MAPKAPK5: variants seen among roughly 807,000 people sequenced by gnomAD.
MAPKAPK5 encodes MAP kinase-activated protein kinase 5.
MAPKAPK5 carries 30 observed loss-of-function variants against 65.1 expected under a neutral mutation model. The observed-to-expected ratio is 0.46, with a 90% CI of 0.34 to 0.63. MAPKAPK5 has a LOEUF of 0.63. MAPKAPK5 is among the 20% of genes least tolerant of loss of function. The pLI is 0.01. For synonymous variants in MAPKAPK5, 179 were observed against 204.6 expected (o/e 0.87, Z 1.07); for missense variants, 433 against 581.4 (o/e 0.74, Z 2.63).
chr12:111,864,796 A>G (rs1429193898), intron 1 of MAPKAPK5, among the ~76,000 whole-genome samples: 1 of 152,196 alleles, frequency 6.6e-6, no homozygotes, highest in African/African-American at 2.4e-5. Flanking sequence ...CAGTTTATTC[A>G]GTTATTCCAA....
intron 1 of MAPKAPK5, among the ~76,000 whole-genome samples, chr12:111,849,255 CTT>C (rs112897636): frequency 7.2e-6 from 1 of 139,164 alleles, no homozygotes. Flanking sequence ...TTTTTTCTTT[CTT>C]TTTTTTTTTT....
At position 111,869,286 on chromosome 12, in the gene MAPKAPK5, C is replaced by A. The variant is rs530710651; in HGVS notation, c.393+425C>A. Among the ~76,000 whole-genome samples, 3 of 152,298 alleles carry A rather than the reference C, an allele frequency of 2.0e-5. No individual in the cohort carries two copies. In the East Asian group the frequency reaches 5.8e-4, roughly 29 times the overall value. On this transcript the variant is annotated intron_variant, in intron 5 of 13. Coordinates refer to ENST00000550735, the MANE Select transcript of MAPKAPK5 (RefSeq NM_003668.4). Reference sequence around the variant, plus strand: ...TAAGATGCTTCCTGCATGTGAGCCACCTTTCTGTGATTTCTTCAGATTTAA... The same window carrying A: ...TAAGATGCTTCCTGCATGTGAGCCAACTTTCTGTGATTTCTTCAGATTTAA...
intron 1 of MAPKAPK5, among the ~76,000 whole-genome samples, chr12:111,843,627 A>G (rs574223610): frequency 5.9e-5 from 9 of 152,280 alleles, no homozygotes; most frequent in East Asian, 1.9e-4. Context: ...ACAGGCATCT[A>G]TTGGCAGCTT....
chr12:111,864,028 G>A lies in MAPKAPK5; in HGVS notation c.37-1222G>A, dbSNP rs766013375. 4.4e-4 allele frequency among the ~76,000 whole-genome samples: 67 copies of A among 152,206 alleles called. 1 individual carries two copies. The highest frequency in any genetic ancestry group is 6.2e-4 in the Non-Finnish European group (42 of 68,014). On this transcript the variant is annotated intron_variant, in intron 1 of 13. Transcript: ENST00000550735. ...TCTTGCCTGTAACCCCAGCTATTTG[G>A]GAGGCTGAGGCAGGAGGATTGCTTG... is the stretch of plus-strand genomic sequence containing the variant.
At chr12:111,862,423 G>A (rs537679613) in intron 1 of MAPKAPK5, among the ~76,000 whole-genome samples, 1 of 152,258 alleles carries the variant, frequency 6.6e-6, no homozygotes, top group Admixed American at 6.5e-5. Flanking sequence ...GTGGAGGGCC[G>A]GGTGCAGTGG....
intron 7 of MAPKAPK5, among the ~76,000 whole-genome samples, chr12:111,872,333 A>G (rs767590017): frequency 1.9e-4 from 29 of 152,156 alleles, no homozygotes; most frequent in Non-Finnish European, 3.2e-4. Context: ...GTATTACTTC[A>G]TTATAGTTTT....
chr12:111,880,629 C>T, intron 8 of MAPKAPK5, 102 bp downstream of exon 8: 1 of 935,580 alleles, frequency 1.1e-6, no homozygotes, highest in Non-Finnish European at 1.7e-6. Flanking sequence ...TTTCTCACCC[C>T]TTAATATTCC....
At chr12:111,846,877 A>G (rs1229076857) in intron 1 of MAPKAPK5, among the ~76,000 whole-genome samples, 4 of 152,188 alleles carry the variant, frequency 2.6e-5, no homozygotes, top group African/African-American at 9.6e-5. Flanking sequence ...GAATCATCCC[A>G]GCATGTTCAC....
intron 1 of MAPKAPK5, chr12:111,843,466 A>T (rs968926005): frequency 2.6e-6 from 1 of 391,114 alleles, no homozygotes; most frequent in Non-Finnish European, 4.5e-6. Flanking sequence ...CATTTTGCCC[A>T]CTCAGGGCCA....
chr12:111,886,173 A>C, intron 10 of MAPKAPK5, 137 bp downstream of exon 10: 14 of 1,312,228 alleles, frequency 1.1e-5, no homozygotes, highest in Non-Finnish European at 1.4e-5. Context: ...TGGTTTCCTG[A>C]GAGTCAGGAT....
intron 6 of MAPKAPK5, 105 bp from the exon 7 acceptor site, chr12:111,870,980 G>T (rs1481294400): frequency 2.5e-6 from 2 of 792,744 alleles, no homozygotes; most frequent in African/African-American, 3.5e-5. Context: ...ATCTCAGCTG[G>T]AAAGAAACTT....
At position 111,894,514 on chromosome 12, in the gene MAPKAPK5, A is replaced by G. The variant is rs1051451833; in HGVS notation, c.*1453A>G. Reference sequence around the variant, plus strand: ...ACATATAATTAATTGAAGTGGGACTATTGGATTATCATGTAAGATGATCCA... The same window carrying G: ...ACATATAATTAATTGAAGTGGGACTGTTGGATTATCATGTAAGATGATCCA... On this transcript the variant is annotated 3_prime_UTR_variant, in exon 14 of 14. Coordinates refer to ENST00000550735, the MANE Select transcript of MAPKAPK5 (RefSeq NM_003668.4). 5 of 151,204 alleles carry G rather than the reference A, an allele frequency of 3.3e-5. No homozygotes were observed. Among genetic ancestry groups the G allele is most frequent in the African/African-American group, 4.9e-5 (2 of 41,128 alleles). The allele number at this position is 151,204 out of a possible 1,614,324, so 9.4% of individuals were successfully genotyped here.
chr12:111,881,402 C>CTTTTTTTTTTTTTTTT lies in MAPKAPK5; in HGVS notation c.660+875_660+876insTTTTTTTTTTTTTTTT, dbSNP rs1274226182. ...AGCCCACATATTGATCCTGTCTGTTCCTTTTTTTTTTTTTTTTTTTGAGAC... is the reference window on the plus strand; with the variant it reads ...AGCCCACATATTGATCCTGTCTGTTCTTTTTTTTTTTTTTTTCTTTTTTTTTTTTTTTTTTTGAGAC... On this transcript the variant is annotated intron_variant, in intron 8 of 13. Coordinates refer to ENST00000550735, the MANE Select transcript of MAPKAPK5 (RefSeq NM_003668.4). 3.3e-3 allele frequency among the ~76,000 whole-genome samples: 390 copies of CTTTTTTTTTTTTTTTT among 116,660 alleles called. 40 individuals carry two copies. Among genetic ancestry groups the CTTTTTTTTTTTTTTTT allele is most frequent in the African/African-American group, 6.7e-3 (202 of 30,114 alleles). 76.5% of individuals were successfully genotyped at this position (116,660 alleles called of 152,430 possible). A position where few individuals can be genotyped will look rare whatever the true frequency, so the allele number is the denominator to read the frequency against.
At chr12:111,854,058 G>A (rs2069164643) in intron 1 of MAPKAPK5, among the ~76,000 whole-genome samples, 1 of 152,072 alleles carries the variant, frequency 6.6e-6, no homozygotes, top group Non-Finnish European at 1.5e-5. Flanking sequence ...GTTTCAGTTT[G>A]TTAATATTTT....
At position 111,898,590 on chromosome 12, in the gene MAPKAPK5, A is replaced by T. The variant is rs1316664901; in HGVS notation, c.*5529A>T. 6.6e-6 allele frequency: 1 copy of T among 152,198 alleles called. No individual in the cohort carries two copies. The highest frequency in any genetic ancestry group is 1.5e-5 in the Non-Finnish European group (1 of 68,042). The allele number at this position is 152,198 out of a possible 1,614,324, so 9.4% of individuals were successfully genotyped here. On this transcript the variant is annotated 3_prime_UTR_variant, in exon 14 of 14. Coordinates refer to ENST00000550735, the MANE Select transcript of MAPKAPK5 (RefSeq NM_003668.4). ...TAACACAATATATCCGTGCATTAGGAAAACTTGGTAGAGAAGATTATATGC... is the reference window on the plus strand; with the variant it reads ...TAACACAATATATCCGTGCATTAGGTAAACTTGGTAGAGAAGATTATATGC...
intron 1 of MAPKAPK5, among the ~76,000 whole-genome samples, chr12:111,849,498 G>A (rs1379365211): frequency 6.6e-6 from 1 of 151,922 alleles, no homozygotes; most frequent in Non-Finnish European, 1.5e-5. Flanking sequence ...TCCTGACCTT[G>A]TGATCTGCCT....
In MAPKAPK5 at chr12:111,867,586, G is replaced by A. The variant is rs34132040; in HGVS notation, c.201G>A (p.Met67Ile). Reference sequence around the variant, plus strand: ...TTCTCTTTAAGGTACGTCTGCACATGATGTGTGCCACACACCCAAACATAG... The same window carrying A: ...TTCTCTTTAAGGTACGTCTGCACATAATGTGTGCCACACACCCAAACATAG... ...PKARNEVRLH[M>I]MCATHPNIVQ... The change falls in exon 4 of 14, where the codon ATG becomes ATA. Residue 67 changes from methionine (M) to isoleucine (I), a missense_variant. Around this residue, in one of 3 missense-constraint regions of MAPKAPK5, gnomAD observed 165 missense variants for 180.0 expected, o/e 0.92. Transcript: ENST00000550735. 3.8e-4 allele frequency: 612 copies of A among 1,613,578 alleles called. 4 individuals are homozygous for A. The South Asian group carries it at 5.8e-3, about 15-fold the overall frequency.
intron 1 of MAPKAPK5, among the ~76,000 whole-genome samples, chr12:111,857,250 T>A (rs1009626846): frequency 2.6e-5 from 4 of 151,622 alleles, no homozygotes; most frequent in Non-Finnish European, 2.9e-5. Context: ...TTTTCTTTTT[T>A]TTTTTTTTGA....
At chr12:111,870,493 A>G (rs1468237988) in intron 6 of MAPKAPK5, 133 bp downstream of exon 6, 1 of 571,192 alleles carries the variant, frequency 1.8e-6, no homozygotes, top group Non-Finnish European at 3.1e-6. Flanking sequence ...TATTTCTTCA[A>G]CTCGTTCCCT....
Sources: gnomAD v4.1 joint callset for allele counts (sites outside exome capture counted in the v4.1 genomes callset) on GRCh38, gnomAD v4.1.1 for gene constraint, gnomAD v4.1.1 regional missense constraint, MANE v1.5 for transcripts, NCBI Gene and HGNC (gene_info 2026-07-23, HGNC 2026-07-21) for gene names.